Variants in SLC4A4 observed in about 807,000 individuals in gnomAD.
SLC4A4 encodes solute carrier family 4 member 4.
Under a neutral mutation model 111.5 loss-of-function variants are expected in SLC4A4, and 27 were observed. The observed-to-expected ratio is 0.24, with a 90% CI of 0.18 to 0.33. The LOEUF (loss-of-function observed/expected upper bound fraction) is 0.33. Among genes scored for constraint, SLC4A4 ranks in the 10% least tolerant of loss-of-function variants. The probability of loss-of-function intolerance (pLI) is 1.00; values close to 1 mark genes in which losing one functional copy is unlikely to be tolerated. For synonymous variants in SLC4A4, 443 were observed against 463.4 expected (o/e 0.96, Z 0.57); for missense variants, 909 against 1,315.5 (o/e 0.69, Z 4.78).
rs1737676567 is a variant in SLC4A4, at chr4:71,568,284, T to C, written c.*533T>C. On this transcript the variant is annotated 3_prime_UTR_variant, in exon 26 of 26. Coordinates refer to ENST00000264485, the MANE Select transcript of SLC4A4 (RefSeq NM_001098484.3). Reference sequence around the variant, plus strand: ...AGCTTTGGAGCTGTGCTTACTGGCTTGTCTTTGTCTGGTAGAACAAACCTT... The same window carrying C: ...AGCTTTGGAGCTGTGCTTACTGGCTCGTCTTTGTCTGGTAGAACAAACCTT... 1 of 170,448 alleles carries C rather than the reference T, an allele frequency of 5.9e-6. No individual in the cohort carries two copies. The highest frequency in any genetic ancestry group is 1.2e-5 in the Non-Finnish European group (1 of 80,694). The allele number at this position is 170,448 out of a possible 1,614,324, so 10.6% of individuals were successfully genotyped here. A position where few individuals can be genotyped will look rare whatever the true frequency, so the allele number is the denominator to read the frequency against.
At chr4:71,085,429 G>T (rs371892744) in intron 1 of SLC4A4, among the ~76,000 whole-genome samples, 6 of 151,952 alleles carry the variant, frequency 3.9e-5, no homozygotes, top group African/African-American at 1.5e-4. Flanking sequence ...ATTTGTCAAT[G>T]TTGGCTTTTG....
chr4:71,510,803 TTTG>T (rs754329062), intron 16 of SLC4A4, among the ~76,000 whole-genome samples: 3 of 152,120 alleles, frequency 2.0e-5, no homozygotes, highest in Non-Finnish European at 4.4e-5. Context: ...TCCTTCCTCT[TTTG>T]TTGTTTTCCT....
intron 3 of SLC4A4, among the ~76,000 whole-genome samples, chr4:71,335,109 T>G (rs1728327878): frequency 6.6e-6 from 1 of 152,196 alleles, no homozygotes; most frequent in East Asian, 1.9e-4. Flanking sequence ...AAACTACCTA[T>G]TGGGTACTAT....
chr4:71,358,003 C>T (rs1053366420), intron 6 of SLC4A4, among the ~76,000 whole-genome samples: 1 of 152,008 alleles, frequency 6.6e-6, no homozygotes, highest in Admixed American at 6.5e-5. Context: ...CCCATCCCAC[C>T]CCCAGGCTTT....
Position 71,403,228 on chromosome 4 carries a change from T to C in SLC4A4, c.807+5575T>C, listed in dbSNP as rs576727472. ...CCTTTTGTGAAATTTAGAGCTATGG[T>C]TTTAAGTAACTGCGCTACAATAAAT... On this transcript the variant is annotated intron_variant, in intron 7 of 25. Coordinates refer to ENST00000264485, the MANE Select transcript of SLC4A4 (RefSeq NM_001098484.3). Among the ~76,000 whole-genome samples, 379 of 152,254 alleles carry C rather than the reference T, an allele frequency of 2.5e-3. 6 individuals are homozygous for C. Among genetic ancestry groups the C allele is most frequent in the Non-Finnish European group, 4.9e-3 (332 of 68,000 alleles).
At chr4:71,253,693 A>T (rs989992491) in intron 2 of SLC4A4, among the ~76,000 whole-genome samples, 2 of 152,136 alleles carry the variant, frequency 1.3e-5, no homozygotes, top group Admixed American at 6.6e-5. Flanking sequence ...CTAGTATAAT[A>T]TAGCTTTCCC....
In SLC4A4 at chr4:71,346,811, T is replaced by C. The variant is rs577533003; in HGVS notation, c.390-3101T>C. On this transcript the variant is annotated intron_variant, in intron 4 of 25. Coordinates refer to ENST00000264485, the MANE Select transcript of SLC4A4 (RefSeq NM_001098484.3). The stretch of plus-strand genomic sequence containing the variant: ...TATGTCCAAATGCATTTGTTGGAAG[T>C]ATAATCAGTTCCTTAAACAATTAGA... 4.6e-5 allele frequency among the ~76,000 whole-genome samples: 7 copies of C among 152,266 alleles called. No individual in the cohort carries two copies. In the South Asian group the frequency reaches 1.5e-3, roughly 32 times the overall value.
chr4:71,352,686 T>TTAAA (rs1417235566), intron 5 of SLC4A4, among the ~76,000 whole-genome samples: 3 of 152,216 alleles, frequency 2.0e-5, no homozygotes, highest in African/African-American at 7.2e-5. Context: ...GTTATGAGCA[T>TTAAA]TAAATAAGAT....
At chr4:71,452,434 A>G (rs927534908) in intron 11 of SLC4A4, among the ~76,000 whole-genome samples, 2 of 152,204 alleles carry the variant, frequency 1.3e-5, no homozygotes, top group African/African-American at 4.8e-5. Context: ...GAATGTCTGT[A>G]GTATGCCTGG....
intron 2 of SLC4A4, among the ~76,000 whole-genome samples, chr4:71,144,037 A>G (rs1444758603): frequency 6.6e-6 from 1 of 152,186 alleles, no homozygotes; most frequent in Non-Finnish European, 1.5e-5. Context: ...TATGTCCTGA[A>G]TGGTATTGCC....
At chr4:71,377,408 A>C (rs1258926484) in intron 6 of SLC4A4, among the ~76,000 whole-genome samples, 1 of 152,226 alleles carries the variant, frequency 6.6e-6, no homozygotes, top group Admixed American at 6.5e-5. Flanking sequence ...TGTGACTGTG[A>C]TTCCTCTTTG....
At position 71,451,217 on chromosome 4, in the gene SLC4A4, T is replaced by A. The variant is rs757862562; in HGVS notation, c.1238T>A (p.Val413Asp). The A allele has an allele frequency of 6.2e-7, 1 of 1,611,826 alleles. No individual in the cohort carries two copies. Among genetic ancestry groups the A allele is most frequent in the Non-Finnish European group, 8.5e-7 (1 of 1,178,088 alleles). ...AATATGTACTCAGGTGGAGAGAATG[T>A]TCAGATGAATGGGGATACGCCCCAT... ...RKNMYSGGEN[V>D]QMNGDTPHDG... Residue 413 changes from valine (V) to aspartate (D), a missense_variant, in exon 11 of 26, where the codon GTT (valine) becomes GAT (aspartate). By Grantham distance (152) the Val-to-Asp change is radical. Coordinates refer to ENST00000264485, the MANE Select transcript of SLC4A4 (RefSeq NM_001098484.3).
At chr4:71,456,158 A>G (rs1726247629) in intron 12 of SLC4A4, among the ~76,000 whole-genome samples, 1 of 152,186 alleles carries the variant, frequency 6.6e-6, no homozygotes. Context: ...TAGATTTTTT[A>G]ACCTCCATTG....
chr4:71,474,647 G>C (rs1406497455), intron 14 of SLC4A4, among the ~76,000 whole-genome samples: 1 of 151,780 alleles, frequency 6.6e-6, no homozygotes. Context: ...TGGGCTGTGT[G>C]CTCATGGATT....
intron 3 of SLC4A4, among the ~76,000 whole-genome samples, chr4:71,306,433 T>C (rs1725693121): frequency 6.6e-6 from 1 of 152,074 alleles, no homozygotes; most frequent in Non-Finnish European, 1.5e-5. Context: ...ATACAAAAAT[T>C]AGCCAGACGT....
At chr4:71,283,915 A>G (rs1723716993) in intron 3 of SLC4A4, among the ~76,000 whole-genome samples, 1 of 152,128 alleles carries the variant, frequency 6.6e-6, no homozygotes, top group African/African-American at 2.4e-5. Flanking sequence ...TTGCTTCCTT[A>G]TGCTAAATGA....
chr4:71,540,604 C>T (rs571415663), intron 18 of SLC4A4, among the ~76,000 whole-genome samples: 1 of 152,274 alleles, frequency 6.6e-6, no homozygotes, highest in Admixed American at 6.5e-5. Flanking sequence ...AAAAATTGTT[C>T]TACATTGCCG....
In SLC4A4 at chr4:71,447,692, C is replaced by T. The variant is rs375658881; in HGVS notation, c.1012C>T (p.His338Tyr). The T allele has an allele frequency of 6.2e-7, 1 of 1,613,062 alleles. No individual in the cohort carries two copies. The highest frequency in any genetic ancestry group is 1.3e-5 in the African/African-American group (1 of 74,856). Residue 338 changes from histidine to tyrosine, a missense_variant, in exon 9 of 26, where the codon CAC (histidine) becomes TAC (tyrosine). His to Tyr is a moderately conservative substitution (Grantham distance 83). This residue lies in a region of SLC4A4 where 312 missense variants were observed against 402.0 expected (regional missense o/e 0.78). Transcript: ENST00000264485. ...TCCTAAGGGGAAAGCCAAGTCCTAC[C>T]ACGAGATTGGCAGAGCCATTGCCAC... ...LGPKGKAKSYHEIGRAIATLM... is the reference protein window; with the variant it reads ...LGPKGKAKSYYEIGRAIATLM...
intron 1 of SLC4A4, chr4:71,236,280 A>G (rs1719803035): frequency 1.9e-6 from 2 of 1,048,804 alleles, no homozygotes; most frequent in Admixed American, 4.9e-5. Flanking sequence ...AGAATTTTAA[A>G]ACCCTAAAGG....
Sources: allele counts gnomAD v4.1 joint callset (sites outside exome capture counted in the v4.1 genomes callset), GRCh38; gene constraint gnomAD v4.1.1; regional missense constraint gnomAD v4.1.1; transcripts MANE v1.5; gene names NCBI Gene and HGNC (gene_info 2026-07-23, HGNC 2026-07-21).